Variants in KCNK9 observed in about 807,000 individuals in gnomAD.
KCNK9 encodes the protein potassium channel subfamily K member 9.
In KCNK9, 1 loss-of-function variant was observed where a neutral mutation model predicts 10.8. The ratio of observed to expected loss-of-function variants is 0.09; its 90% CI spans 0.03 to 0.44. The LOEUF is 0.44. KCNK9 is among the 20% of genes least tolerant of loss of function. KCNK9 has a pLI of 0.97. For synonymous variants in KCNK9, 231 were observed against 222.7 expected, an observed-to-expected ratio of 1.04 and a Z score of -0.33; for missense variants, 303 against 515.0, an observed-to-expected ratio of 0.59 and a Z score of 3.98.
rs180872372 is a variant in KCNK9 at position 139,628,804 on chromosome 8, A to G, written c.284-9705T>C. ...TGAACTTGCAAAGCACAAATTTCCA[A>G]CAACATTCACGAAGGCCTTTCTCCT... On this transcript the variant is annotated intron_variant, in intron 1 of 1. Transcript: ENST00000520439. Among the ~76,000 whole-genome samples, 16 of 152,354 alleles carry G rather than the reference A, an allele frequency of 1.1e-4. No individual in the cohort carries two copies. In the East Asian group the frequency reaches 3.1e-3, roughly 29 times the overall value.
At chr8:139,683,090 C>A (rs1271919130) in intron 1 of KCNK9, among the ~76,000 whole-genome samples, 2 of 152,190 alleles carry the variant, frequency 1.3e-5, no homozygotes, top group African/African-American at 4.8e-5. Flanking sequence ...TCCCAGCTTA[C>A]AGCAAATGTC....
intron 1 of KCNK9, 134 bp from the exon 2 acceptor site, chr8:139,619,233 G>T: frequency 1.0e-6 from 1 of 974,706 alleles, no homozygotes; most frequent in Non-Finnish European, 1.5e-6. Context: ...CCTCTGCAGG[G>T]TAGAGGGGCG....
intron 1 of KCNK9, among the ~76,000 whole-genome samples, chr8:139,642,724 A>G (rs1815541349): frequency 6.6e-6 from 1 of 152,234 alleles, no homozygotes; most frequent in Non-Finnish European, 1.5e-5. Flanking sequence ...TGGGCCCTCC[A>G]GCCCCCACAG....
At chr8:139,681,543 A>T (rs1816688199) in intron 1 of KCNK9, among the ~76,000 whole-genome samples, 1 of 152,230 alleles carries the variant, frequency 6.6e-6, no homozygotes, top group African/African-American at 2.4e-5. Flanking sequence ...TTGACCCGGC[A>T]GACTTCCTGG....
intron 1 of KCNK9, among the ~76,000 whole-genome samples, chr8:139,646,317 T>G (rs933376115): frequency 1.3e-5 from 2 of 152,240 alleles, no homozygotes; most frequent in Non-Finnish European, 2.9e-5. Context: ...AACGGACACA[T>G]TGCCAAATTC....
chr8:139,607,973 C>T (rs973264477), downstream of KCNK9, among the ~76,000 whole-genome samples: 3 of 152,122 alleles, frequency 2.0e-5, no homozygotes, highest in Non-Finnish European at 4.4e-5. Context: ...GGGTTGGGTG[C>T]TTAGGAAGGC....
In KCNK9 at chr8:139,643,337, C is replaced by T. The variant is rs758001112; in HGVS notation, c.284-24238G>A. ...TCTCCAAGCCATTTCTATTCCCCAA[C>T]GTCCTTCACCCGGACTGGGGGGTTC... On this transcript the variant is annotated intron_variant, in intron 1 of 1. Transcript: ENST00000520439. 1.2e-3 allele frequency among the ~76,000 whole-genome samples: 182 copies of T among 152,228 alleles called. 4 individuals carry two copies. The highest frequency in any genetic ancestry group is 4.6e-4 in the Admixed American group (7 of 15,286).
At chr8:139,644,960 A>G (rs570386054) in intron 1 of KCNK9, among the ~76,000 whole-genome samples, 54 of 152,238 alleles carry the variant, frequency 3.5e-4, no homozygotes, top group Non-Finnish European at 1.5e-5. Context: ...GCAGACAGAC[A>G]TGGGCTAGCC....
chr8:139,697,680 G>A (rs951973710), intron 1 of KCNK9, among the ~76,000 whole-genome samples: 2 of 152,062 alleles, frequency 1.3e-5, no homozygotes, highest in Admixed American at 1.3e-4. Context: ...AGGGCAATGG[G>A]TATCTCCAAC....
intron 1 of KCNK9, among the ~76,000 whole-genome samples, chr8:139,683,743 G>A (rs372880018): frequency 1.3e-5 from 2 of 152,312 alleles, no homozygotes; most frequent in East Asian, 3.9e-4. Context: ...CCACCAGAAG[G>A]TCCATTACTT....
chr8:139,701,251 G>A lies in KCNK9; in HGVS notation c.283+1459C>T, dbSNP rs116830487. On this transcript the variant is annotated intron_variant, in intron 1 of 1. Transcript: ENST00000520439. ...TTTGGGGTGCTGGGCAAAGGGCGTG[G>A]GGCAAGCAAGAGCCAAGCTGATTAT... is the stretch of plus-strand genomic sequence containing the variant. Among the ~76,000 whole-genome samples the A allele has an allele frequency of 8.5e-3, 1,292 of 152,182 alleles. 19 individuals are homozygous for A. Among genetic ancestry groups the A allele is most frequent in the African/African-American group, 0.03 (1,234 of 41,516 alleles).
chr8:139,617,156 G>T lies in KCNK9; in HGVS notation c.*1102C>A, dbSNP rs1420052851. On this transcript the variant is annotated 3_prime_UTR_variant, in exon 2 of 2. Coordinates refer to ENST00000520439, the MANE Select transcript of KCNK9 (RefSeq NM_001282534.2). Reference sequence around the variant, plus strand: ...TAGATATGTATTTTTAATGAGGAATGCCCTGTCAATTTTCATGAGGAAAAG... The same window carrying T: ...TAGATATGTATTTTTAATGAGGAATTCCCTGTCAATTTTCATGAGGAAAAG... Among the ~76,000 whole-genome samples, 2 of 152,158 alleles carry T rather than the reference G, an allele frequency of 1.3e-5. No homozygotes were observed. The highest frequency in any genetic ancestry group is 3.8e-4 in the East Asian group (2 of 5,196).
chr8:139,652,478 C>T (rs1815895948), intron 1 of KCNK9, among the ~76,000 whole-genome samples: 1 of 152,082 alleles, frequency 6.6e-6, no homozygotes, highest in South Asian at 2.1e-4. Context: ...TGTGGACATG[C>T]ATGTGGGGTC....
chr8:139,622,423 C>T (rs1435313287), intron 1 of KCNK9, among the ~76,000 whole-genome samples: 1 of 152,180 alleles, frequency 6.6e-6, no homozygotes, highest in African/African-American at 2.4e-5. Context: ...TCCCTTTGCC[C>T]TCTGGTTTCC....
downstream of KCNK9, chr8:139,616,818 A>T (rs1430485083): frequency 6.6e-6 from 1 of 152,166 alleles, no homozygotes; most frequent in Non-Finnish European, 1.5e-5. Context: ...AGGGAAATTA[A>T]AGTCCCCTCA....
rs145620630 is a variant in KCNK9 at position 139,633,004 on chromosome 8, G to A, written c.284-13905C>T. 1.4e-3 allele frequency among the ~76,000 whole-genome samples: 217 copies of A among 152,192 alleles called. 3 individuals are homozygous for A. Among genetic ancestry groups the A allele is most frequent in the African/African-American group, 4.1e-3 (169 of 41,506 alleles). ...GAACCCCTCGGTTTGGTGCAGTCAC[G>A]TCCATGGAACAGGTGAGAAAACGAG... On this transcript the variant is annotated intron_variant, in intron 1 of 1. Transcript: ENST00000520439.
Position 139,618,115 on chromosome 8 carries a change from AAGAGACC to A in KCNK9, c.*136_*142del. 8.3e-7 allele frequency: 1 copy of A among 1,208,984 alleles called. No homozygotes were observed. Among genetic ancestry groups the A allele is most frequent in the South Asian group, 1.4e-5 (1 of 70,968 alleles). The allele number at this position is 1,208,984 out of a possible 1,614,324, so 74.9% of individuals were successfully genotyped here. A position where few individuals can be genotyped will look rare whatever the true frequency, so the allele number is the denominator to read the frequency against. The stretch of plus-strand genomic sequence containing the variant: ...TGGAAAGGTGGGGGAAAATGAGACC[AAGAGACC>A]AAGAAAGGAGGAAGGAGAGAAAGTA... On this transcript the variant is annotated 3_prime_UTR_variant, in exon 2 of 2. Coordinates refer to ENST00000520439, the MANE Select transcript of KCNK9 (RefSeq NM_001282534.2). This position sits in a 1 kb window ranked among gnomAD's most constrained non-coding sequence, Gnocchi z 7.9.
Position 139,618,652 on chromosome 8 carries a change from A to G in KCNK9, c.731T>C (p.Leu244Pro). 1 of 1,614,196 alleles carries G rather than the reference A, an allele frequency of 6.2e-7. No homozygotes were observed. The highest frequency in any genetic ancestry group is 8.5e-7 in the Non-Finnish European group (1 of 1,180,038). ...VIGAFLNLVV[L>P]RFLTMNSEDE... Reference sequence around the variant, plus strand: ...CTCACTGTTCATGGTCAAGAACCTGAGGACGACCAGGTTGAGGAAGGCCCC... The same window carrying G: ...CTCACTGTTCATGGTCAAGAACCTGGGGACGACCAGGTTGAGGAAGGCCCC... Residue 244 changes from leucine to proline, a missense_variant, in exon 2 of 2, where the codon CTC becomes CCC. Leu to Pro is a moderately conservative substitution (Grantham distance 98, BLOSUM62 -3). Transcript: ENST00000520439. This position sits in a 1 kb window ranked among gnomAD's most constrained non-coding sequence, Gnocchi z 7.9.
chr8:139,671,344 G>A (rs1816421370), intron 1 of KCNK9, among the ~76,000 whole-genome samples: 1 of 152,086 alleles, frequency 6.6e-6, no homozygotes, highest in African/African-American at 2.4e-5. Context: ...TCACTTCTTT[G>A]TACTGTGTTC....
Sources: gnomAD v4.1 joint callset for allele counts (sites outside exome capture counted in the v4.1 genomes callset) on GRCh38, gnomAD v4.1.1 for gene constraint, Gnocchi (gnomAD v3.1) non-coding constraint, MANE v1.5 for transcripts, NCBI Gene and HGNC (gene_info 2026-07-23, HGNC 2026-07-21) for gene names.